TMEM233: variants seen among roughly 807,000 people sequenced by gnomAD.
TMEM233 encodes the protein dispanin subfamily B member 2.
Under a neutral mutation model 11.2 loss-of-function variants are expected in TMEM233, and 6 were observed. The observed-to-expected ratio is 0.54, with a 90% CI of 0.29 to 1.06. The LOEUF is 1.06. TMEM233 is among the 50% of genes least tolerant of loss of function. The probability of loss-of-function intolerance (pLI) is 0.08; values close to 1 mark genes in which losing one functional copy is unlikely to be tolerated. For missense variants in TMEM233, 127 were observed against 144.7 expected, an observed-to-expected ratio of 0.88 and a Z score of 0.63; for synonymous variants, 59 against 55.8, an observed-to-expected ratio of 1.06 and a Z score of -0.26.
At chr12:119,654,188 G>T in the TMEM233 span, among the ~76,000 whole-genome samples, 2 of 152,024 alleles carry the variant, frequency 1.3e-5, no homozygotes, top group African/African-American at 2.4e-5. Context: ...ATACAGAATA[G>T]AGTAGAATGA....
chr12:119,612,095 G>A (rs1954410673), intron 1 of TMEM233, among the ~76,000 whole-genome samples: 1 of 152,018 alleles, frequency 6.6e-6, no homozygotes, highest in African/African-American at 2.4e-5. Flanking sequence ...CCGGGTTCAA[G>A]TGACTCTCCT....
Position 119,629,897 on chromosome 12 carries a change from C to A in TMEM233, c.323+25C>A, listed in dbSNP as rs773602139. 7.8e-6 allele frequency: 12 copies of A among 1,544,502 alleles called. No homozygotes were observed. In the African/African-American group the frequency reaches 1.6e-4, roughly 21 times the overall value. ...AGTAAGTAGGCTTTTTGAATCCCTCCCCATGTCAAACGCCCTTTCTCGAAC... is the reference window on the plus strand; with the variant it reads ...AGTAAGTAGGCTTTTTGAATCCCTCACCATGTCAAACGCCCTTTCTCGAAC... On this transcript the variant is annotated intron_variant, in intron 2 of 2. Transcript: ENST00000426426.
At chr12:119,640,332 A>C (rs1307943522) in intron 2 of TMEM233, among the ~76,000 whole-genome samples, 1 of 151,434 alleles carries the variant, frequency 6.6e-6, no homozygotes, top group East Asian at 1.9e-4. Context: ...TTTTTTTTGT[A>C]TTTTTAGTAG....
chr12:119,620,386 C>A (rs902185416), intron 1 of TMEM233, among the ~76,000 whole-genome samples: 1 of 152,178 alleles, frequency 6.6e-6, no homozygotes, highest in Non-Finnish European at 1.5e-5. Context: ...TCCATATACC[C>A]TTTGACACAA....
At chr12:119,622,465 T>C (rs1395986251) in intron 1 of TMEM233, among the ~76,000 whole-genome samples, 9 of 152,256 alleles carry the variant, frequency 5.9e-5, no homozygotes, top group Admixed American at 3.9e-4. Context: ...TGGAATAGTT[T>C]ACATTCTAAG....
intron 2 of TMEM233, among the ~76,000 whole-genome samples, chr12:119,631,921 T>A (rs958239547): frequency 1.3e-5 from 2 of 152,194 alleles, no homozygotes; most frequent in African/African-American, 4.8e-5. Context: ...CATTTATTAA[T>A]CCCATTATTA....
chr12:119,616,465 C>T lies in TMEM233; in HGVS notation c.187-13271C>T, dbSNP rs548326626. Among the ~76,000 whole-genome samples, 37 of 152,276 alleles carry T rather than the reference C, an allele frequency of 2.4e-4. No homozygotes were observed. The Middle Eastern group carries it at 0.017, about 70-fold the overall frequency. ...ACTGGCTGCTTAGCACCCTCAAATA[C>T]GGGTGGTTGGCTTATGAAATTATGA... On this transcript the variant is annotated intron_variant, in intron 1 of 2. Transcript: ENST00000426426.
downstream of TMEM233, among the ~76,000 whole-genome samples, chr12:119,644,627 A>G (rs750689919): frequency 6.6e-6 from 1 of 151,854 alleles, no homozygotes; most frequent in Non-Finnish European, 1.5e-5. Context: ...ACAGGTGTGC[A>G]CCACCACACC....
intron 2 of TMEM233, among the ~76,000 whole-genome samples, chr12:119,639,884 A>G (rs1955047521): frequency 6.6e-6 from 1 of 152,230 alleles, no homozygotes; most frequent in African/African-American, 2.4e-5. Context: ...ATCAGCACCT[A>G]AAGCAGTGCC....
At chr12:119,638,553 T>C (rs779863336) in intron 2 of TMEM233, among the ~76,000 whole-genome samples, 1 of 152,142 alleles carries the variant, frequency 6.6e-6, no homozygotes, top group African/African-American at 2.4e-5. Flanking sequence ...GGGCCAGGAA[T>C]TGGTAGACTG....
At chr12:119,627,646 C>T (rs1182073018) in intron 1 of TMEM233, among the ~76,000 whole-genome samples, 2 of 152,180 alleles carry the variant, frequency 1.3e-5, no homozygotes, top group Admixed American at 1.3e-4. Context: ...TAATGAGGGT[C>T]TGCCCCCTGA....
chr12:119,643,190 G>A (rs1955109476), downstream of TMEM233: 1 of 152,262 alleles, frequency 6.6e-6, no homozygotes, highest in Non-Finnish European at 1.5e-5. Context: ...AGAGAGGCCA[G>A]AGGTGGCGCT....
chr12:119,622,677 C>G (rs1314208357), intron 1 of TMEM233, among the ~76,000 whole-genome samples: 1 of 148,078 alleles, frequency 6.8e-6, no homozygotes, highest in Non-Finnish European at 1.5e-5. Context: ...GAGACCCCCC[C>G]AGCCATGGAA....
At chr12:119,652,123 A>C in the TMEM233 span, among the ~76,000 whole-genome samples, 3 of 152,210 alleles carry the variant, frequency 2.0e-5, no homozygotes, top group African/African-American at 7.2e-5. Context: ...GAAATTTGGC[A>C]ATTTCTAGCA....
chr12:119,648,911 C>T, the TMEM233 span, among the ~76,000 whole-genome samples: 9 of 152,304 alleles, frequency 5.9e-5, no homozygotes, highest in African/African-American at 2.2e-4. Flanking sequence ...GGCTGTAAAT[C>T]CTGTCTCAAA....
chr12:119,609,018 A>G (rs2136698971), intron 1 of TMEM233, among the ~76,000 whole-genome samples: 1 of 152,312 alleles, frequency 6.6e-6, no homozygotes, highest in East Asian at 1.9e-4. Context: ...AATGGATAAC[A>G]GGCAGAGGTT....
At chr12:119,644,224 C>T (rs1188260033), downstream of TMEM233, among the ~76,000 whole-genome samples, 1 of 152,132 alleles carries the variant, frequency 6.6e-6, no homozygotes, top group Admixed American at 6.6e-5. Flanking sequence ...ATTGGCCAGG[C>T]TTGAAGTCAG....
intron 1 of TMEM233, among the ~76,000 whole-genome samples, chr12:119,599,077 G>T (rs1200676361): frequency 5.9e-5 from 9 of 152,154 alleles, no homozygotes; most frequent in Non-Finnish European, 1.0e-4. Flanking sequence ...AAAATTTGTT[G>T]CAGCATAAAG....
intron 1 of TMEM233, among the ~76,000 whole-genome samples, chr12:119,598,585 T>C (rs148587770): frequency 2.5e-3 from 381 of 152,274 alleles, no homozygotes; most frequent in Middle Eastern, 0.01. Flanking sequence ...CCCAAAATCA[T>C]TGAGACCACC....
Sources: allele counts gnomAD v4.1 joint callset (sites outside exome capture counted in the v4.1 genomes callset), GRCh38; gene constraint gnomAD v4.1.1; transcripts MANE v1.5; gene names NCBI Gene and HGNC (gene_info 2026-07-23, HGNC 2026-07-21).